The following CACNG2 variants were observed in gnomAD, a reference collection of about 807,000 sequenced individuals.
CACNG2 encodes voltage-dependent calcium channel gamma-2 subunit.
In CACNG2, 3 loss-of-function variants were observed where a neutral mutation model predicts 25.9. The observed-to-expected ratio is 0.12, with a 90% CI of 0.05 to 0.30. The LOEUF (loss-of-function observed/expected upper bound fraction) is 0.30, where lower values mean the gene tolerates loss of function less well. CACNG2 is among the 10% of genes least tolerant of loss of function. The pLI is 1.00. For missense variants in CACNG2, 341 were observed against 432.5 expected, an observed-to-expected ratio of 0.79 and a Z score of 1.88; for synonymous variants, 167 against 173.3, an observed-to-expected ratio of 0.96 and a Z score of 0.29.
intron 1 of CACNG2, among the ~76,000 whole-genome samples, chr22:36,609,579 C>T (rs1366384270): frequency 4.9e-5 from 5 of 102,800 alleles, no homozygotes; most frequent in South Asian, 7.4e-4. Flanking sequence ...CCCCCCAGAG[C>T]GTGATCGGGC....
Position 36,566,398 on chromosome 22 carries a change from G to C in CACNG2, c.391C>G (p.Arg131Gly), listed in dbSNP as rs1009915493. The C allele has an allele frequency of 6.8e-6, 11 of 1,614,122 alleles. No homozygotes were observed. Among genetic ancestry groups the C allele is most frequent in the Non-Finnish European group, 8.5e-6 (10 of 1,180,024 alleles). ...CIAASEFYKT[R>G]HNIILSAGIF... ...CCGGCACTCAGGATGATGTTGTGTC[G>C]AGTTTTGTAGAACTCGCTGGCTGCG... The change falls in exon 3 of 4, where the codon CGA becomes GGA. Residue 131 changes from arginine (R) to glycine (G), a missense_variant. Arg to Gly is a moderately radical substitution (Grantham distance 125, BLOSUM62 -2). This residue lies in a region of CACNG2 where 169 missense variants were observed against 254.4 expected (regional missense o/e 0.66). Transcript: ENST00000300105.
rs5756254 is a variant in CACNG2, at chr22:36,602,448, C to T, written c.212-14900G>A. The stretch of plus-strand genomic sequence containing the variant: ...TCACCCAGGCTGGAGTGCAGTGGTG[C>T]GATCTCGGCTCTCTGCAACCTTTGC... On this transcript the variant is annotated intron_variant, in intron 1 of 3. Coordinates refer to ENST00000300105, the MANE Select transcript of CACNG2 (RefSeq NM_006078.5). Among the ~76,000 whole-genome samples the T allele has an allele frequency of 9.5e-4, 145 of 152,116 alleles. No individual in the cohort carries two copies. The East Asian group carries it at 0.017, about 18-fold the overall frequency.
chr22:36,585,427 T>A (rs947721932), intron 2 of CACNG2: 1 of 152,204 alleles, frequency 6.6e-6, no homozygotes, highest in African/African-American at 2.4e-5. Flanking sequence ...TGATAGAAAC[T>A]TGCGTCTTCC....
At chr22:36,679,189 C>CTTTTTCTTT (rs1937058688) in intron 1 of CACNG2, among the ~76,000 whole-genome samples, 1 of 69,332 alleles carries the variant, frequency 1.4e-5, no homozygotes, top group Admixed American at 1.3e-4. Context: ...TTCCTTCCTT[C>CTTTTTCTTT]CTTCCTTCCT....
chr22:36,604,296 C>A (rs1935799425), intron 1 of CACNG2, among the ~76,000 whole-genome samples: 1 of 152,140 alleles, frequency 6.6e-6, no homozygotes, highest in African/African-American at 2.4e-5. Flanking sequence ...TATGGATAAG[C>A]AAAGAAAGTG....
chr22:36,612,776 C>T, intron 1 of CACNG2, among the ~76,000 whole-genome samples: 1 of 152,214 alleles, frequency 6.6e-6, no homozygotes, highest in East Asian at 1.9e-4. Context: ...TTAGCAGATG[C>T]CTGATATGTT....
intron 1 of CACNG2, among the ~76,000 whole-genome samples, chr22:36,674,520 A>G (rs1421921644): frequency 6.6e-6 from 1 of 152,010 alleles, no homozygotes; most frequent in African/African-American, 2.4e-5. Context: ...GTACAGAGAG[A>G]GTTTCACCAT....
At chr22:36,623,789 T>A (rs1418911593) in intron 1 of CACNG2, among the ~76,000 whole-genome samples, 1 of 152,114 alleles carries the variant, frequency 6.6e-6, no homozygotes, top group East Asian at 1.9e-4. Context: ...AAGACATTTG[T>A]GGGCCAGTGT....
chr22:36,666,833 C>T (rs760597121), intron 1 of CACNG2, among the ~76,000 whole-genome samples: 6 of 152,110 alleles, frequency 3.9e-5, no homozygotes, highest in Admixed American at 1.3e-4. Context: ...TTCTCTATCA[C>T]GGCCACCTCT....
chr22:36,689,201 C>T (rs1937239135), intron 1 of CACNG2, among the ~76,000 whole-genome samples: 1 of 152,114 alleles, frequency 6.6e-6, no homozygotes, highest in Non-Finnish European at 1.5e-5. Flanking sequence ...CTTTGGTCTC[C>T]TTCAGAGCAG....
At chr22:36,690,313 G>C (rs1937252784) in intron 1 of CACNG2, among the ~76,000 whole-genome samples, 2 of 152,208 alleles carry the variant, frequency 1.3e-5, no homozygotes, top group Non-Finnish European at 2.9e-5. Context: ...AGCTCTTGCT[G>C]ATGGCTGCCA....
At chr22:36,593,187 C>T (rs1481054942) in intron 1 of CACNG2, among the ~76,000 whole-genome samples, 1 of 152,192 alleles carries the variant, frequency 6.6e-6, no homozygotes, top group East Asian at 1.9e-4. Context: ...CTGATCGGTA[C>T]AACAGTATTT....
chr22:36,681,908 C>A (rs1601454149), intron 1 of CACNG2, among the ~76,000 whole-genome samples: 1 of 152,128 alleles, frequency 6.6e-6, no homozygotes, highest in Non-Finnish European at 1.5e-5. Context: ...ATAATTACTC[C>A]CCCCACTCTC....
intron 1 of CACNG2, among the ~76,000 whole-genome samples, chr22:36,624,498 C>T (rs145010066): frequency 1.4e-4 from 21 of 152,320 alleles, no homozygotes; most frequent in African/African-American, 4.6e-4. Flanking sequence ...GTCTGTCTGC[C>T]TCCAAAACTT....
At position 36,563,461 on chromosome 22, in the gene CACNG2, T is replaced by G. The variant is rs2145901793; in HGVS notation, c.*890A>C. ...TGAGGATTCCGGGGTTTCCGGCATCTTGGTAAGCCACCGGCAGCCTCCCCT... is the reference window on the plus strand; with the variant it reads ...TGAGGATTCCGGGGTTTCCGGCATCGTGGTAAGCCACCGGCAGCCTCCCCT... On this transcript the variant is annotated 3_prime_UTR_variant, in exon 4 of 4. Coordinates refer to ENST00000300105, the MANE Select transcript of CACNG2 (RefSeq NM_006078.5). Among the ~76,000 whole-genome samples the G allele has an allele frequency of 6.6e-6, 1 of 152,208 alleles. No individual in the cohort carries two copies. Among genetic ancestry groups the G allele is most frequent in the East Asian group, 1.9e-4 (1 of 5,170 alleles).
rs200600420 is a variant in CACNG2 at position 36,645,536 on chromosome 22, C to CAAAAAAAAAAAAAAA, written c.211+56815_211+56829dup. ...TGGGCGACAGAGCAAGACTCTGTCT[C>CAAAAAAAAAAAAAAA]AAAAAAAAAAAAAAAAAAAAAAAAA... is the stretch of plus-strand genomic sequence containing the variant. On this transcript the variant is annotated intron_variant, in intron 1 of 3. Transcript: ENST00000300105. Among the ~76,000 whole-genome samples the CAAAAAAAAAAAAAAA allele has an allele frequency of 1.4e-4, 19 of 134,754 alleles. 1 individual carries two copies. The highest frequency in any genetic ancestry group is 5.0e-4 in the African/African-American group (18 of 36,240). The allele number at this position is 134,754 out of a possible 152,430, so 88.4% of individuals were successfully genotyped here.
At chr22:36,685,613 A>C (rs1269325549) in intron 1 of CACNG2, among the ~76,000 whole-genome samples, 1 of 152,118 alleles carries the variant, frequency 6.6e-6, no homozygotes, top group African/African-American at 2.4e-5. Context: ...CCAGAGGCAC[A>C]GTGTTCTCAA....
chr22:36,602,885 T>C (rs1194698709), intron 1 of CACNG2, among the ~76,000 whole-genome samples: 1 of 152,032 alleles, frequency 6.6e-6, no homozygotes, highest in Admixed American at 6.6e-5. Context: ...CCCCCTATTC[T>C]CTAAGACATG....
chr22:36,579,372 C>A (rs370947705), intron 2 of CACNG2, among the ~76,000 whole-genome samples: 2 of 140,294 alleles, frequency 1.4e-5, no homozygotes, highest in African/African-American at 2.7e-5. Flanking sequence ...CCACTGCACT[C>A]CAGCCTGGGC....
Sources: allele counts gnomAD v4.1 joint callset (sites outside exome capture counted in the v4.1 genomes callset), GRCh38; gene constraint gnomAD v4.1.1; regional missense constraint gnomAD v4.1.1; transcripts MANE v1.5; gene names NCBI Gene and HGNC (gene_info 2026-07-23, HGNC 2026-07-21).